The following CDC42EP4 variants were observed in gnomAD, a reference collection of about 807,000 sequenced individuals.
CDC42EP4 encodes CDC42 effector protein 4.
Under a neutral mutation model 5.6 loss-of-function variants are expected in CDC42EP4, and 6 were observed. The ratio of observed to expected loss-of-function variants is 1.07; its 90% CI spans 0.59 to 2.12. CDC42EP4 has a LOEUF of 2.12. CDC42EP4 is among the 30% of genes most tolerant of loss of function. CDC42EP4 has a pLI of 0.00. For synonymous variants in CDC42EP4, 230 were observed against 224.2 expected (o/e 1.03, Z -0.23); for missense variants, 490 against 508.6 (o/e 0.96, Z 0.35).
At chr17:73,302,968 C>T (rs1440210069) in intron 1 of CDC42EP4, among the ~76,000 whole-genome samples, 50 of 146,546 alleles carry the variant, frequency 3.4e-4, no homozygotes, top group Non-Finnish European at 1.2e-4. Context: ...GGCGTGAACC[C>T]GGGAGGCAGA....
In CDC42EP4 at chr17:73,285,296, TCTA is replaced by T; in HGVS notation, c.*131_*133del. On this transcript the variant is annotated 3_prime_UTR_variant, in exon 2 of 2. Coordinates refer to ENST00000335793, the MANE Select transcript of CDC42EP4 (RefSeq NM_012121.5). The surrounding 1 kb of genome is among the most constrained non-coding windows in gnomAD (Gnocchi z 6.8). ...CCGAGGGCCAGGCCAGTGTCCCTCA[TCTA>T]CAAGGTCCAGGGTCCATGGTCTGAA... The T allele has an allele frequency of 1.4e-6, 1 of 696,346 alleles. No individual in the cohort carries two copies. The highest frequency in any genetic ancestry group is 2.7e-5 in the Admixed American group (1 of 37,418). The allele number at this position is 696,346 out of a possible 1,614,324, so 43.1% of individuals were successfully genotyped here. A position where few individuals can be genotyped will look rare whatever the true frequency, so the allele number is the denominator to read the frequency against.
intron 1 of CDC42EP4, among the ~76,000 whole-genome samples, chr17:73,297,001 A>AAAAACAAACAAAAAAAAAAAACAC (rs547362762): frequency 3.2e-5 from 2 of 61,734 alleles, no homozygotes; most frequent in Non-Finnish European, 3.3e-5. Flanking sequence ...AAAAAAAAAA[A>AAAAACAAACAAAAAAAAAAAACAC]AAATACACAA....
At chr17:73,289,541 G>A (rs1024944801) in intron 1 of CDC42EP4, among the ~76,000 whole-genome samples, 14 of 150,314 alleles carry the variant, frequency 9.3e-5, no homozygotes, top group Non-Finnish European at 5.9e-5. Flanking sequence ...TTCCTGAGTC[G>A]TATCTTTTGT....
Position 73,286,333 on chromosome 17 carries a change from C to T in CDC42EP4, c.168G>A (p.Lys56=), listed in dbSNP as rs775349227. The change falls in exon 2 of 2, where the codon AAG becomes AAA. Residue 56 remains lysine (K), a synonymous_variant. Transcript: ENST00000335793. The surrounding 1 kb of genome is among the most constrained non-coding windows in gnomAD (Gnocchi z 7.7). ...AFGDTSFLNS[K]AGEPDGESLD... ...AGGACTCGCCGTCGGGCTCGCCAGCCTTGCTATTGAGGAAGGAGGTGTCCC... is the reference window on the plus strand; with the variant it reads ...AGGACTCGCCGTCGGGCTCGCCAGCTTTGCTATTGAGGAAGGAGGTGTCCC... The T allele has an allele frequency of 3.7e-6, 6 of 1,614,084 alleles. No individual in the cohort carries two copies. The highest frequency in any genetic ancestry group is 5.1e-6 in the Non-Finnish European group (6 of 1,180,042).
intron 1 of CDC42EP4, among the ~76,000 whole-genome samples, chr17:73,295,932 T>C (rs950521515): frequency 4.0e-5 from 6 of 149,056 alleles, no homozygotes; most frequent in African/African-American, 1.5e-4. Flanking sequence ...AGAATGATGG[T>C]TTTAAAATGA....
intron 1 of CDC42EP4, among the ~76,000 whole-genome samples, chr17:73,310,581 C>T (rs2062268161): frequency 6.7e-6 from 1 of 150,300 alleles, no homozygotes. Context: ...GGGTGGGAGT[C>T]GTGGAGAGAG....
intron 1 of CDC42EP4, among the ~76,000 whole-genome samples, chr17:73,309,362 T>A (rs1208215480): frequency 6.6e-6 from 1 of 152,074 alleles, no homozygotes; most frequent in East Asian, 1.9e-4. Flanking sequence ...AATTAATAAA[T>A]AAAATAAAAA....
chr17:73,287,711 T>TG (rs2062141428), intron 1 of CDC42EP4, among the ~76,000 whole-genome samples: 1 of 152,148 alleles, frequency 6.6e-6, no homozygotes, highest in Admixed American at 6.5e-5. Context: ...ACCAGGTACC[T>TG]GCCTGCCTCC....
chr17:73,300,801 C>T (rs1479216799), intron 1 of CDC42EP4, among the ~76,000 whole-genome samples: 1 of 152,162 alleles, frequency 6.6e-6, no homozygotes, highest in Non-Finnish European at 1.5e-5. Context: ...AATCCCAGCA[C>T]TCTGGGAGGC....
intron 1 of CDC42EP4, among the ~76,000 whole-genome samples, chr17:73,290,839 C>T (rs932375284): frequency 5.9e-5 from 9 of 152,098 alleles, no homozygotes; most frequent in African/African-American, 2.2e-4. Context: ...TGTGGTTTCC[C>T]GATCTTATAC....
At position 73,285,337 on chromosome 17, in the gene CDC42EP4, G is replaced by C; in HGVS notation, c.*93C>G. ...TCCATGGTCTGAATCAAGGGTCCTG[G>C]CTGCCCCTGCGCCGTAGGGTCAAAG... On this transcript the variant is annotated 3_prime_UTR_variant, in exon 2 of 2. Transcript: ENST00000335793. This position sits in a 1 kb window ranked among gnomAD's most constrained non-coding sequence, Gnocchi z 6.8. The C allele has an allele frequency of 9.9e-7, 1 of 1,013,112 alleles. No homozygotes were observed. Among genetic ancestry groups the C allele is most frequent in the Non-Finnish European group, 1.5e-6 (1 of 686,004 alleles). The allele number at this position is 1,013,112 out of a possible 1,614,324, so 62.8% of individuals were successfully genotyped here.
At chr17:73,303,948 C>G (rs1474641841) in intron 1 of CDC42EP4, among the ~76,000 whole-genome samples, 1 of 152,182 alleles carries the variant, frequency 6.6e-6, no homozygotes, top group South Asian at 2.1e-4. Context: ...AATAATTTAC[C>G]CTTTAATTGC....
At chr17:73,305,387 G>C (rs762692076) in intron 1 of CDC42EP4, among the ~76,000 whole-genome samples, 1 of 152,212 alleles carries the variant, frequency 6.6e-6, no homozygotes, top group Non-Finnish European at 1.5e-5. Context: ...GGGAGTGATC[G>C]CAGAGGAAAG....
intron 1 of CDC42EP4, among the ~76,000 whole-genome samples, chr17:73,302,995 G>T (rs551666628): frequency 6.9e-6 from 1 of 144,082 alleles, no homozygotes; most frequent in Non-Finnish European, 1.5e-5. Flanking sequence ...AGTGAGCCGA[G>T]ATGGCGCCAC....
chr17:73,299,444 T>TACACACACACACACACAC (rs71154990), intron 1 of CDC42EP4, among the ~76,000 whole-genome samples: 30 of 127,968 alleles, frequency 2.3e-4, no homozygotes, highest in African/African-American at 8.3e-4. Context: ...AAAAAAAAAA[T>TACACACACACACACACAC]ACACACACAC....
chr17:73,302,299 A>G (rs971706988), intron 1 of CDC42EP4, among the ~76,000 whole-genome samples: 1 of 152,220 alleles, frequency 6.6e-6, no homozygotes, highest in Middle Eastern at 3.4e-3. Flanking sequence ...ATTCCTCATT[A>G]TCTCGTTATA....
intron 1 of CDC42EP4, among the ~76,000 whole-genome samples, chr17:73,305,757 A>G (rs2062241740): frequency 6.6e-6 from 1 of 152,236 alleles, no homozygotes; most frequent in Admixed American, 6.5e-5. Flanking sequence ...TGTCACACCC[A>G]GTGACACTCC....
In CDC42EP4 at chr17:73,290,771, G is replaced by A. The variant is rs529428513; in HGVS notation, c.-112-4159C>T. Among the ~76,000 whole-genome samples, 163 of 152,300 alleles carry A rather than the reference G, an allele frequency of 1.1e-3. 5 individuals are homozygous for A. In the South Asian group the frequency reaches 0.031, roughly 29 times the overall value. Reference sequence around the variant, plus strand: ...TGGCGGCACGAGCCCCCAGAGCTGCGTTAAGGGTTTCAACGCCAAGGCAGG... The same window carrying A: ...TGGCGGCACGAGCCCCCAGAGCTGCATTAAGGGTTTCAACGCCAAGGCAGG... On this transcript the variant is annotated intron_variant, in intron 1 of 1. Transcript: ENST00000335793.
At chr17:73,304,801 C>A (rs756726384) in intron 1 of CDC42EP4, among the ~76,000 whole-genome samples, 3 of 152,166 alleles carry the variant, frequency 2.0e-5, no homozygotes, top group Non-Finnish European at 4.4e-5. Context: ...TCTCCTGAGT[C>A]TGAGCACCTC....
Sources: gnomAD v4.1 joint callset for allele counts (sites outside exome capture counted in the v4.1 genomes callset) on GRCh38, gnomAD v4.1.1 for gene constraint, Gnocchi (gnomAD v3.1) non-coding constraint, MANE v1.5 for transcripts, NCBI Gene and HGNC (gene_info 2026-07-23, HGNC 2026-07-21) for gene names.